Variants in TNNI3K observed in about 807,000 individuals in gnomAD.
TNNI3K encodes the protein TNNI3 interacting kinase, also known as serine/threonine-protein kinase TNNI3K.
Under a neutral mutation model 114.5 loss-of-function variants are expected in TNNI3K, and 140 were observed. The ratio of observed to expected loss-of-function variants is 1.22; its 90% CI spans 1.07 to 1.41. TNNI3K has a LOEUF of 1.41. TNNI3K is among the 40% of genes most tolerant of loss of function. TNNI3K has a pLI of 0.00. For synonymous variants in TNNI3K, 347 were observed against 347.5 expected (o/e 1.00, Z 0.02); for missense variants, 1,125 against 1,007.6 (o/e 1.12, Z -1.58).
intron 11 of TNNI3K, among the ~76,000 whole-genome samples, chr1:74,361,573 A>T (rs1661968907): frequency 6.6e-6 from 1 of 152,130 alleles, no homozygotes; most frequent in African/African-American, 2.4e-5. Context: ...AACAGATAAT[A>T]CCTCCCTGAT....
chr1:74,439,546 A>C lies in TNNI3K; in HGVS notation c.1935A>C (p.Lys645Asn), dbSNP rs1454896314. Reference sequence around the variant, plus strand: ...CGCAGTGCACTCGGTACACCATCAAAGCAGATGTCTTCAGCTATGCTCTGT... The same window carrying C: ...CGCAGTGCACTCGGTACACCATCAACGCAGATGTCTTCAGCTATGCTCTGT... ...VFTQCTRYTI[K>N]ADVFSYALCL... The change falls in exon 20 of 25, where the codon AAA becomes AAC. Residue 645 changes from lysine (K) to asparagine (N), a missense_variant. Transcript: ENST00000326637. 4 of 1,613,542 alleles carry C rather than the reference A, an allele frequency of 2.5e-6. 1 individual carries two copies. In the South Asian group the frequency reaches 4.4e-5, roughly 18 times the overall value.
chr1:74,543,991 G>A lies in TNNI3K; in HGVS notation c.*9G>A, dbSNP rs372010420. 52 of 1,611,360 alleles carry A rather than the reference G, an allele frequency of 3.2e-5. No homozygotes were observed. The highest frequency in any genetic ancestry group is 2.1e-4 in the African/African-American group (16 of 74,750). On this transcript the variant is annotated 3_prime_UTR_variant, in exon 25 of 25. Transcript: ENST00000326637. Reference sequence around the variant, plus strand: ...TTGAGGACAGCAGCTGACAGCATTCGGCGTATACCTAAGGAGAGTTTTTTC... The same window carrying A: ...TTGAGGACAGCAGCTGACAGCATTCAGCGTATACCTAAGGAGAGTTTTTTC...
chr1:74,375,423 C>G, intron 17 of TNNI3K: 1 of 374,130 alleles, frequency 2.7e-6, no homozygotes. Context: ...CTTCATAGGA[C>G]TAACAAATTA....
At chr1:74,475,173 G>T (rs1445980021) in intron 21 of TNNI3K, 1 of 498,862 alleles carries the variant, frequency 2.0e-6, no homozygotes, top group African/African-American at 2.1e-5. Context: ...TTTTAGAAAA[G>T]GAATAGACTA....
At chr1:74,523,325 A>C (rs45598731) in intron 23 of TNNI3K, among the ~76,000 whole-genome samples, 3,310 of 152,328 alleles carry the variant, frequency 0.022, 58 homozygotes, top group East Asian at 0.07. Context: ...ATGTATCATC[A>C]AATTTTGAGC....
intron 5 of TNNI3K, among the ~76,000 whole-genome samples, chr1:74,275,299 A>C (rs1656612384): frequency 6.6e-6 from 1 of 152,076 alleles, no homozygotes; most frequent in African/African-American, 2.4e-5. Context: ...GGCAGCAGGC[A>C]AAGAAAGAAT....
intron 2 of TNNI3K, among the ~76,000 whole-genome samples, chr1:74,241,645 T>G (rs1187122764): frequency 6.6e-6 from 1 of 152,182 alleles, no homozygotes; most frequent in East Asian, 1.9e-4. Flanking sequence ...CTTGTAAATT[T>G]GTTTGAGTTC....
Position 74,298,129 on chromosome 1 carries a change from A to G in TNNI3K, c.444+26421A>G, listed in dbSNP as rs1204017668. ...GGATCCACAGTTTACTTCCTCCACT[A>G]TGGTTGATCTCATTCTGAATACTAA... is the stretch of plus-strand genomic sequence containing the variant. On this transcript the variant is annotated intron_variant, in intron 5 of 24. Transcript: ENST00000326637. Among the ~76,000 whole-genome samples, 7 of 152,270 alleles carry G rather than the reference A, an allele frequency of 4.6e-5. No homozygotes were observed. In the South Asian group the frequency reaches 1.0e-3, roughly 23 times the overall value.
intron 4 of TNNI3K, among the ~76,000 whole-genome samples, chr1:74,263,130 A>T (rs973172303): frequency 6.6e-6 from 1 of 152,082 alleles, no homozygotes; most frequent in Non-Finnish European, 1.5e-5. Flanking sequence ...CATATGCCCC[A>T]TGTAAAGGGA....
intron 22 of TNNI3K, among the ~76,000 whole-genome samples, chr1:74,490,548 T>A (rs1669015876): frequency 6.6e-6 from 1 of 152,186 alleles, no homozygotes; most frequent in Non-Finnish European, 1.5e-5. Context: ...AGCCTCTTAT[T>A]TATACTCTCT....
At chr1:74,442,181 TAA>T (rs1036570739) in intron 20 of TNNI3K, among the ~76,000 whole-genome samples, 6 of 152,024 alleles carry the variant, frequency 3.9e-5, no homozygotes, top group African/African-American at 1.4e-4. Context: ...TTGTTTTTTT[TAA>T]TACAGATGTC....
At chr1:74,261,417 T>C (rs1198651742) in intron 4 of TNNI3K, among the ~76,000 whole-genome samples, 1 of 152,144 alleles carries the variant, frequency 6.6e-6, no homozygotes, top group African/African-American at 2.4e-5. Flanking sequence ...ATGTTAAACA[T>C]GAATGAAACT....
rs1207305839 is a variant in TNNI3K at position 74,435,085 on chromosome 1, C to T, written c.1773-995C>T. ...AAAATCCAGTGGCAATCTCCTAATA[C>T]TGAAATGACTCATTTACAAGCCAAA... On this transcript the variant is annotated intron_variant, in intron 17 of 24. Coordinates refer to ENST00000326637, the MANE Select transcript of TNNI3K (RefSeq NM_015978.3). Among the ~76,000 whole-genome samples, 6 of 152,078 alleles carry T rather than the reference C, an allele frequency of 3.9e-5. No individual in the cohort carries two copies. In the East Asian group the frequency reaches 1.2e-3, roughly 29 times the overall value.
chr1:74,340,289 AATG>A (rs1234323987), intron 7 of TNNI3K, among the ~76,000 whole-genome samples: 2 of 152,144 alleles, frequency 1.3e-5, no homozygotes, highest in African/African-American at 4.8e-5. Context: ...TTTTCCTAAT[AATG>A]ATTTACATGT....
chr1:74,420,095 T>C (rs1184886618), intron 17 of TNNI3K, among the ~76,000 whole-genome samples: 3 of 151,956 alleles, frequency 2.0e-5, no homozygotes, highest in Non-Finnish European at 4.4e-5. Flanking sequence ...CCTTAGTATA[T>C]AGATATGAAA....
chr1:74,362,071 C>A (rs796780305), intron 11 of TNNI3K, among the ~76,000 whole-genome samples: 5 of 152,112 alleles, frequency 3.3e-5, no homozygotes, highest in African/African-American at 1.2e-4. Flanking sequence ...GAAGATGTAG[C>A]AAGCCAGAAA....
At position 74,331,473 on chromosome 1, in the gene TNNI3K, T is replaced by C. The variant is rs962893242; in HGVS notation, c.468T>C (p.His156=). Reference sequence around the variant, plus strand: ...AGGCTGCTGATGTGCTGTTGCAACATGGAGCTAATGTCAATATTCAAGATG... The same window carrying C: ...AGGCTGCTGATGTGCTGTTGCAACACGGAGCTAATGTCAATATTCAAGATG... The part of the protein sequence containing the change: ...HLEAADVLLQ[H]GANVNIQDAV... The change falls in exon 6 of 25, where the codon CAT becomes CAC. Residue 156 remains histidine (H), a synonymous_variant. Coordinates refer to ENST00000326637, the MANE Select transcript of TNNI3K (RefSeq NM_015978.3). 4 of 1,613,494 alleles carry C rather than the reference T, an allele frequency of 2.5e-6. No homozygotes were observed. In the African/African-American group the frequency reaches 4.0e-5, roughly 16 times the overall value.
At chr1:74,362,775 A>G (rs1662038534) in intron 11 of TNNI3K, among the ~76,000 whole-genome samples, 1 of 152,144 alleles carries the variant, frequency 6.6e-6, no homozygotes, top group Non-Finnish European at 1.5e-5. Flanking sequence ...ATCACACCAA[A>G]TATAAGAAGT....
At chr1:74,509,193 C>T (rs1238126375) in intron 23 of TNNI3K, among the ~76,000 whole-genome samples, 2 of 152,296 alleles carry the variant, frequency 1.3e-5, no homozygotes, top group South Asian at 2.1e-4. Flanking sequence ...TACTTATTTA[C>T]ACTACTTGAT....
Sources: gnomAD v4.1 joint callset for allele counts (sites outside exome capture counted in the v4.1 genomes callset) on GRCh38, gnomAD v4.1.1 for gene constraint, MANE v1.5 for transcripts, NCBI Gene and HGNC (gene_info 2026-07-23, HGNC 2026-07-21) for gene names.